Variants in AATK observed in about 807,000 individuals in gnomAD.
AATK encodes serine/threonine-protein kinase LMTK1.
In AATK, 91 loss-of-function variants were observed where a neutral mutation model predicts 114.3. That is an observed-to-expected ratio of 0.80 (90% CI 0.67 to 0.95). The LOEUF is 0.95. Among genes scored for constraint, AATK ranks in the 40% least tolerant of loss-of-function variants. The pLI is 0.00. For synonymous variants in AATK, 1,075 were observed against 916.5 expected (o/e 1.17, Z -3.12); for missense variants, 2,176 against 1,965.2 (o/e 1.11, Z -2.03).
At chr17:81,143,967 G>A (rs1236257991) in intron 1 of AATK, among the ~76,000 whole-genome samples, 2 of 152,206 alleles carry the variant, frequency 1.3e-5, no homozygotes. Flanking sequence ...TGAGCACGGT[G>A]CCCAGGGTTG....
intron 1 of AATK, among the ~76,000 whole-genome samples, chr17:81,139,054 A>T (rs2061082758): frequency 6.6e-6 from 1 of 152,132 alleles, no homozygotes; most frequent in Non-Finnish European, 1.5e-5. Flanking sequence ...ACACACCCGC[A>T]CATGCAAACA....
At chr17:81,128,966 C>T (rs968030457) in intron 3 of AATK, 4 of 1,049,676 alleles carry the variant, frequency 3.8e-6, no homozygotes, top group African/African-American at 1.7e-5. Flanking sequence ...TGGCATCCCA[C>T]GCCGGGCGCA....
intron 13 of AATK, 118 bp downstream of exon 13, chr17:81,119,250 CCGGGAAGGAGCG>C: frequency 1.0e-6 from 1 of 981,990 alleles, no homozygotes; most frequent in Non-Finnish European, 1.4e-6. Context: ...AGGAGCGGGG[CCGGGAAGGAGCG>C]GAGCGGAGCG....
At chr17:81,159,852 C>A (rs2061409698) in intron 1 of AATK, among the ~76,000 whole-genome samples, 1 of 152,118 alleles carries the variant, frequency 6.6e-6, no homozygotes, top group Non-Finnish European at 1.5e-5. Context: ...CTCCCCCAGG[C>A]CAGCTGGCCA....
At chr17:81,159,866 C>T (rs1195103416) in intron 1 of AATK, among the ~76,000 whole-genome samples, 1 of 152,122 alleles carries the variant, frequency 6.6e-6, no homozygotes, top group African/African-American at 2.4e-5. Flanking sequence ...CTGGCCAGGG[C>T]TACCCGATAC....
In AATK at chr17:81,117,631, C is replaced by T. The variant is rs993343689; in HGVS notation, c.*771G>A. The stretch of plus-strand genomic sequence containing the variant: ...CTGGGGCACAGGACCAGATACTGCC[C>T]CACAGAGGGGAGCTGCCTGCACGGT... On this transcript the variant is annotated 3_prime_UTR_variant, in exon 14 of 14. Coordinates refer to ENST00000326724, the MANE Select transcript of AATK (RefSeq NM_001080395.3). 1 of 152,290 alleles carries T rather than the reference C, an allele frequency of 6.6e-6. No homozygotes were observed. Among genetic ancestry groups the T allele is most frequent in the Admixed American group, 6.5e-5 (1 of 15,292 alleles). 9.4% of individuals were successfully genotyped at this position (152,290 alleles called of 1,614,324 possible).
chr17:81,121,944 T>C lies in AATK; in HGVS notation c.1992A>G (p.Leu664=). ...PPLPLTGEDE[L]EEVGARRAAQ... ...CGGCCCTCCGCGCTCCCACCTCCTC[T>C]AGCTCATCCTCGCCAGTCAGCGGCA... Residue 664 remains leucine (L), a synonymous_variant, in exon 11 of 14, where the codon CTA becomes CTG. Transcript: ENST00000326724. 6.3e-7 allele frequency: 1 copy of C among 1,599,860 alleles called. No individual in the cohort carries two copies. Among genetic ancestry groups the C allele is most frequent in the Non-Finnish European group, 8.5e-7 (1 of 1,177,236 alleles).
At chr17:81,119,311 G>A (rs892359665) in intron 13 of AATK, 69 bp downstream of exon 13, 9 of 1,311,506 alleles carry the variant, frequency 6.9e-6, no homozygotes, top group African/African-American at 6.8e-5. Context: ...AGACGGAGGG[G>A]CCCCACCCTC....
chr17:81,157,863 A>G (rs2061385394), intron 1 of AATK, among the ~76,000 whole-genome samples: 1 of 152,164 alleles, frequency 6.6e-6, no homozygotes. Flanking sequence ...TGCTCGACGC[A>G]CACTGTCCCC....
At chr17:81,158,989 C>A (rs1474455130) in intron 1 of AATK, among the ~76,000 whole-genome samples, 1 of 152,214 alleles carries the variant, frequency 6.6e-6, no homozygotes, top group Non-Finnish European at 1.5e-5. Context: ...GGCCACAGGA[C>A]CCTGCTTATG....
At chr17:81,128,381 T>C (rs2060879673) in intron 4 of AATK, 89 bp downstream of exon 4, 1 of 1,443,594 alleles carries the variant, frequency 6.9e-7, no homozygotes, top group African/African-American at 1.5e-5. Flanking sequence ...CCGTCGGGGC[T>C]GGGGTGGCTC....
At chr17:81,162,348 G>C (rs2061437141) in intron 1 of AATK, among the ~76,000 whole-genome samples, 1 of 152,126 alleles carries the variant, frequency 6.6e-6, no homozygotes, top group East Asian at 1.9e-4. Flanking sequence ...GGCATCCTCT[G>C]AGACCCCGGG....
rs773212027 is a variant in AATK at position 81,121,348 on chromosome 17, G to A, written c.2588C>T (p.Thr863Met). 2.7e-5 allele frequency: 44 copies of A among 1,611,870 alleles called. No homozygotes were observed. The highest frequency in any genetic ancestry group is 6.7e-5 in the East Asian group (3 of 44,886). ...VEAPSSEDED[T>M]AEATSGIFTD... ...GAAGATGCCTGAGGTGGCCTCGGCC[G>A]TGTCCTCATCCTCACTGCTGGGTGC... The change falls in exon 11 of 14, where the codon ACG (threonine) becomes ATG (methionine). Residue 863 changes from threonine to methionine, a missense_variant. Thr to Met is a moderately conservative substitution (Grantham distance 81). Transcript: ENST00000326724.
rs1415153567 is a variant in AATK at position 81,119,261 on chromosome 17, C to T, written c.4084+119G>A. The T allele has an allele frequency of 9.2e-6, 10 of 1,082,448 alleles. 1 individual carries two copies. Among genetic ancestry groups the T allele is most frequent in the Non-Finnish European group, 1.2e-5 (10 of 801,776 alleles). The allele number at this position is 1,082,448 out of a possible 1,614,324, so 67.1% of individuals were successfully genotyped here. A position where few individuals can be genotyped will look rare whatever the true frequency, so the allele number is the denominator to read the frequency against. ...GGGAAGGAGCGGGGCCGGGAAGGAG[C>T]GGAGCGGAGCGGAGCCGGGGCTGGC... On this transcript the variant is annotated intron_variant, in intron 13 of 13. Transcript: ENST00000326724.
chr17:81,138,498 C>G (rs2061061763), intron 1 of AATK, among the ~76,000 whole-genome samples: 1 of 149,170 alleles, frequency 6.7e-6, no homozygotes, highest in Non-Finnish European at 1.5e-5. Flanking sequence ...CACACACACC[C>G]TCGTGCAGAC....
In AATK at chr17:81,121,659, G is replaced by T; in HGVS notation, c.2277C>A (p.Cys759Ter). 6.7e-7 allele frequency: 1 copy of T among 1,498,158 alleles called. No individual in the cohort carries two copies. Among genetic ancestry groups the T allele is most frequent in the Non-Finnish European group, 8.9e-7 (1 of 1,127,834 alleles). 92.8% of individuals were successfully genotyped at this position (1,498,158 alleles called of 1,614,324 possible). Reference protein sequence around the residue: ...CSAQGLAPAPCLVTPSWTETA... With the variant: ...CSAQGLAPAP ...TCTCTGTCCAGGAGGGTGTAACCAG[G>T]CAGGGAGCAGGTGCCAGGCCCTGGG... Residue 759 changes from cysteine (C) to a stop codon, truncating the protein, a stop_gained, in exon 11 of 14, where the codon TGC becomes TGA. Transcript: ENST00000326724. LOFTEE classifies it high-confidence loss of function.
Position 81,121,284 on chromosome 17 carries a change from C to A in AATK, c.2652G>T (p.Pro884=). The change falls in exon 11 of 14, where the codon CCG becomes CCT. Residue 884 remains proline (P), a synonymous_variant. Transcript: ENST00000326724. ...TSSDGLQARR[P]DVVPAFRSLQ... is the part of the protein sequence containing the mutation. ...GAGAGCGGAAGGCTGGCACCACATC[C>A]GGCCTCCTGGCCTGCAGGCCGTCGC... The A allele has an allele frequency of 1.9e-6, 3 of 1,611,496 alleles. No homozygotes were observed. Among genetic ancestry groups the A allele is most frequent in the Non-Finnish European group, 2.5e-6 (3 of 1,179,544 alleles).
Position 81,124,828 on chromosome 17 carries a change from G to A in AATK, c.861C>T (p.Ala287=), listed in dbSNP as rs748420325. The A allele has an allele frequency of 5.7e-5, 92 of 1,611,238 alleles. 1 individual carries two copies. Among genetic ancestry groups the A allele is most frequent in the South Asian group, 1.8e-4 (16 of 90,856 alleles). ...AGCGCAGAGGCACCCACAGCTGGTC[G>A]GCAGTCACGAAGTAGTCCTCCTGTT... ...CKYREDYFVT[A]DQLWVPLRWI... Residue 287 remains alanine, a synonymous_variant, in exon 9 of 14, where the codon GCC becomes GCT. Coordinates refer to ENST00000326724, the MANE Select transcript of AATK (RefSeq NM_001080395.3).
At chr17:81,141,958 TTCC>T (rs772219617) in intron 1 of AATK, among the ~76,000 whole-genome samples, 8,644 of 100,500 alleles carry the variant, frequency 0.086, 342 homozygotes, top group East Asian at 0.21. Context: ...CTTCCTTTCC[TTCC>T]TTCCTTCCTT....
Sources: allele counts gnomAD v4.1 joint callset (sites outside exome capture counted in the v4.1 genomes callset), GRCh38; gene constraint gnomAD v4.1.1; transcripts MANE v1.5; gene names NCBI Gene and HGNC (gene_info 2026-07-23, HGNC 2026-07-21).